The following GRM1 variants were observed in gnomAD, a reference collection of about 807,000 sequenced individuals.
The protein encoded by GRM1 is glutamate metabotropic receptor 1.
Under a neutral mutation model 90.9 loss-of-function variants are expected in GRM1, and 33 were observed. That is an observed-to-expected ratio of 0.36 (90% CI 0.28 to 0.49). The LOEUF (loss-of-function observed/expected upper bound fraction) is 0.49, where lower values mean the gene tolerates loss of function less well. GRM1 is among the 20% of genes least tolerant of loss of function. The pLI, the probability that GRM1 is intolerant of heterozygous loss-of-function variation, is 0.99. For missense variants in GRM1, 1,190 were observed against 1,534.3 expected (o/e 0.78, Z 3.75); for synonymous variants, 700 against 613.2 (o/e 1.14, Z -2.09).
At chr6:146,288,783 G>A (rs964653884) in intron 2 of GRM1, among the ~76,000 whole-genome samples, 1 of 152,164 alleles carries the variant, frequency 6.6e-6, no homozygotes, top group Non-Finnish European at 1.5e-5. Flanking sequence ...TGGGATTACA[G>A]GTGTGAGCCA....
intron 2 of GRM1, among the ~76,000 whole-genome samples, chr6:146,252,775 A>G (rs1781342396): frequency 6.6e-6 from 1 of 152,040 alleles, no homozygotes; most frequent in South Asian, 2.1e-4. Flanking sequence ...AAATATTGAT[A>G]AATTGGTTGG....
Position 146,029,163 on chromosome 6 carries a change from C to A in GRM1, c.-355C>A. 1 of 369,926 alleles carries A rather than the reference C, an allele frequency of 2.7e-6. No homozygotes were observed. The highest frequency in any genetic ancestry group is 5.1e-6 in the Non-Finnish European group (1 of 194,202). The allele number at this position is 369,926 out of a possible 1,614,324, so 22.9% of individuals were successfully genotyped here. On this transcript the variant is annotated 5_prime_UTR_variant, in exon 1 of 8. Coordinates refer to ENST00000282753, the MANE Select transcript of GRM1 (RefSeq NM_001278064.2). ...AGTTTTAACACAGGTCCTCTGATGA[C>A]AAGGTTGTGATTTTTCTCTGTCTTT...
chr6:146,029,405 G>T lies in GRM1; in HGVS notation c.-113G>T. On this transcript the variant is annotated 5_prime_UTR_variant, in exon 1 of 8. Transcript: ENST00000282753. ...CCTTGGACGACCATTGTTGGCGAGGGGCACCACTCCGGGAGAGGCGGCGCT... is the reference window on the plus strand; with the variant it reads ...CCTTGGACGACCATTGTTGGCGAGGTGCACCACTCCGGGAGAGGCGGCGCT... 1 of 847,282 alleles carries T rather than the reference G, an allele frequency of 1.2e-6. No individual in the cohort carries two copies. 52.5% of individuals were successfully genotyped at this position (847,282 alleles called of 1,614,324 possible).
At chr6:146,154,039 C>T (rs58594464) in intron 1 of GRM1, among the ~76,000 whole-genome samples, 1,550 of 152,258 alleles carry the variant, frequency 0.01, 23 homozygotes, top group African/African-American at 0.036. Context: ...GCCTCAGTTT[C>T]CTTGTCTATA....
chr6:146,079,741 A>G (rs941510137), intron 1 of GRM1, among the ~76,000 whole-genome samples: 9 of 152,214 alleles, frequency 5.9e-5, no homozygotes, highest in African/African-American at 2.2e-4. Flanking sequence ...ACGAGAATAT[A>G]GAACATTAGT....
At chr6:146,166,028 C>T (rs1777891624) in intron 2 of GRM1, among the ~76,000 whole-genome samples, 2 of 152,020 alleles carry the variant, frequency 1.3e-5, no homozygotes, top group African/African-American at 2.4e-5. Context: ...GTGCTGTCTG[C>T]GTCTGTATGG....
intron 3 of GRM1, among the ~76,000 whole-genome samples, chr6:146,329,958 G>A (rs1290651457): frequency 6.6e-6 from 1 of 152,080 alleles, no homozygotes; most frequent in African/African-American, 2.4e-5. Context: ...TGTATGTCGG[G>A]GACTGCCTGT....
At chr6:146,153,767 G>T (rs375821670) in intron 1 of GRM1, among the ~76,000 whole-genome samples, 3 of 152,058 alleles carry the variant, frequency 2.0e-5, no homozygotes, top group African/African-American at 7.2e-5. Flanking sequence ...TGCATATCCT[G>T]CACATGCACC....
At chr6:146,314,228 G>A (rs982810246) in intron 3 of GRM1, among the ~76,000 whole-genome samples, 4 of 150,452 alleles carry the variant, frequency 2.7e-5, no homozygotes, top group East Asian at 2.0e-4. Flanking sequence ...TACCATGCCC[G>A]ATTAATTTTT....
At chr6:146,122,117 A>G (rs1776012477) in intron 1 of GRM1, among the ~76,000 whole-genome samples, 1 of 152,190 alleles carries the variant, frequency 6.6e-6, no homozygotes. Flanking sequence ...CAAAAGAGAC[A>G]AGACCATAAT....
Position 146,159,604 on chromosome 6 carries a change from TTCTCTCTCTCTC to T in GRM1, c.950+34_950+45del, listed in dbSNP as rs72225459. 8.4e-3 allele frequency: 10,179 copies of T among 1,206,878 alleles called. 7 individuals carry two copies. Among genetic ancestry groups the T allele is most frequent in the South Asian group, 0.012 (928 of 78,576 alleles). 74.8% of individuals were successfully genotyped at this position (1,206,878 alleles called of 1,614,324 possible). On this transcript the variant is annotated splice_region_variant and intron_variant, in intron 2 of 7. Transcript: ENST00000282753. Reference sequence around the variant, plus strand: ...AGTTCTCACTCATTGGAAGGTAAGTTTCTCTCTCTCTCTCTCTCTCTCTCTCTCTCTCTCTCT... The same window carrying T: ...AGTTCTCACTCATTGGAAGGTAAGTTTCTCTCTCTCTCTCTCTCTCTCTCT...
intron 5 of GRM1, among the ~76,000 whole-genome samples, chr6:146,360,946 A>G (rs982578192): frequency 2.6e-5 from 4 of 152,220 alleles, no homozygotes; most frequent in Admixed American, 6.5e-5. Context: ...CGTGGCCTCA[A>G]GAGGTCACTG....
At chr6:146,038,497 G>C (rs1371519460) in intron 1 of GRM1, among the ~76,000 whole-genome samples, 1 of 151,986 alleles carries the variant, frequency 6.6e-6, no homozygotes, top group African/African-American at 2.4e-5. Flanking sequence ...CATTATTGTT[G>C]TCATGCTATT....
chr6:146,204,574 A>T (rs887305519), intron 2 of GRM1, among the ~76,000 whole-genome samples: 7 of 152,212 alleles, frequency 4.6e-5, no homozygotes, highest in Non-Finnish European at 1.0e-4. Context: ...TGGTATTAGA[A>T]TATGCCATGT....
chr6:146,341,641 A>G (rs1784985516), intron 3 of GRM1, among the ~76,000 whole-genome samples: 2 of 152,204 alleles, frequency 1.3e-5, no homozygotes, highest in African/African-American at 4.8e-5. Flanking sequence ...CTAGAAAGCA[A>G]AGTTCCCCAA....
chr6:146,321,333 G>A lies in GRM1; in HGVS notation c.1186+16487G>A, dbSNP rs968641663. Among the ~76,000 whole-genome samples the A allele has an allele frequency of 1.1e-4, 17 of 152,206 alleles. 1 individual carries two copies. Among genetic ancestry groups the A allele is most frequent in the Admixed American group, 4.6e-4 (7 of 15,270 alleles). On this transcript the variant is annotated intron_variant, in intron 3 of 7. Coordinates refer to ENST00000282753, the MANE Select transcript of GRM1 (RefSeq NM_001278064.2). ...CTAATTTGACTACGCTGTCGTCTGC[G>A]AGACTGTTTTGATTTCTGTACTTTT...
rs192421185 is a variant in GRM1, at chr6:146,107,406, G to A, written c.701-51942G>A. 1.7e-4 allele frequency among the ~76,000 whole-genome samples: 26 copies of A among 150,608 alleles called. No homozygotes were observed. In the East Asian group the frequency reaches 2.3e-3, roughly 14 times the overall value. ...TAACATTCCTTGACTTACTTACAAC[G>A]CTTTCAGACACTGAAAAACAGCCAC... On this transcript the variant is annotated intron_variant, in intron 1 of 7. Transcript: ENST00000282753.
At chr6:146,318,385 T>G (rs1417532811) in intron 3 of GRM1, among the ~76,000 whole-genome samples, 1 of 152,250 alleles carries the variant, frequency 6.6e-6, no homozygotes, top group Non-Finnish European at 1.5e-5. Flanking sequence ...TGCCACATTT[T>G]CTTTATCCAG....
chr6:146,195,912 G>T (rs1444237658), intron 2 of GRM1, among the ~76,000 whole-genome samples: 1 of 152,206 alleles, frequency 6.6e-6, no homozygotes, highest in South Asian at 2.1e-4. Flanking sequence ...TTCAACAGCA[G>T]GAGGTACTGA....
Sources: gnomAD v4.1 joint callset for allele counts (sites outside exome capture counted in the v4.1 genomes callset) on GRCh38, gnomAD v4.1.1 for gene constraint, MANE v1.5 for transcripts, NCBI Gene and HGNC (gene_info 2026-07-23, HGNC 2026-07-21) for gene names.